SHC4: variants seen among roughly 807,000 people sequenced by gnomAD.
SHC4 encodes the protein SHC adaptor protein 4.
SHC4 carries 41 observed loss-of-function variants against 69.4 expected under a neutral mutation model. The ratio of observed to expected loss-of-function variants is 0.59; its 90% CI spans 0.46 to 0.77. The LOEUF is 0.77. SHC4 is among the 30% of genes least tolerant of loss of function. The probability of loss-of-function intolerance (pLI) is 0.00; values close to 1 mark genes in which losing one functional copy is unlikely to be tolerated. For missense variants in SHC4, 777 were observed against 783.8 expected (o/e 0.99, Z 0.10); for synonymous variants, 318 against 299.3 (o/e 1.06, Z -0.64).
chr15:48,882,715 T>C (rs1439242787), intron 4 of SHC4, among the ~76,000 whole-genome samples: 1 of 152,202 alleles, frequency 6.6e-6, no homozygotes, highest in Non-Finnish European at 1.5e-5. Flanking sequence ...CTTACAAAAC[T>C]CTGAGATAAC....
intron 11 of SHC4, among the ~76,000 whole-genome samples, chr15:48,829,895 G>A (rs978568427): frequency 1.3e-5 from 2 of 152,172 alleles, no homozygotes; most frequent in Non-Finnish European, 2.9e-5. Flanking sequence ...CTCCAGCCTG[G>A]GCAATAGAGC....
At chr15:48,826,823 CT>C (rs1244050543) in intron 11 of SHC4, among the ~76,000 whole-genome samples, 1 of 152,204 alleles carries the variant, frequency 6.6e-6, no homozygotes, top group African/African-American at 2.4e-5. Context: ...TACCTCCTAT[CT>C]CTCTTTGGAG....
At chr15:48,834,032 T>C (rs1014889960) in intron 11 of SHC4, among the ~76,000 whole-genome samples, 1 of 152,182 alleles carries the variant, frequency 6.6e-6, no homozygotes, top group Non-Finnish European at 1.5e-5. Flanking sequence ...ACCACTCACA[T>C]GGGCTTTGAT....
intron 2 of SHC4, among the ~76,000 whole-genome samples, chr15:48,891,993 A>C (rs903795825): frequency 3.9e-5 from 6 of 152,208 alleles, no homozygotes; most frequent in African/African-American, 1.4e-4. Flanking sequence ...TAGCTGGGAC[A>C]ACAGGCGCCC....
At chr15:48,831,813 C>A (rs1009469927) in intron 11 of SHC4, among the ~76,000 whole-genome samples, 1 of 152,152 alleles carries the variant, frequency 6.6e-6, no homozygotes, top group East Asian at 1.9e-4. Context: ...ATATATTTAC[C>A]TTTACCAGCA....
rs146484572 is a variant in SHC4 at position 48,882,038 on chromosome 15, G to A, written c.840+2210C>T. ...CCAAAGCATATCTTAGAAATTAAGTGGGGATGGGGAAGGCATTAGTATTTC... is the reference window on the plus strand; with the variant it reads ...CCAAAGCATATCTTAGAAATTAAGTAGGGATGGGGAAGGCATTAGTATTTC... On this transcript the variant is annotated intron_variant, in intron 4 of 11. Coordinates refer to ENST00000332408, the MANE Select transcript of SHC4 (RefSeq NM_203349.4). 7.0e-3 allele frequency among the ~76,000 whole-genome samples: 1,059 copies of A among 152,260 alleles called. 11 individuals are homozygous for A. The highest frequency in any genetic ancestry group is 0.012 in the Non-Finnish European group (798 of 68,004).
chr15:48,871,481 T>C (rs1210137506), intron 5 of SHC4, among the ~76,000 whole-genome samples: 4 of 152,162 alleles, frequency 2.6e-5, no homozygotes, highest in Middle Eastern at 3.2e-3. Context: ...AATGGTGCAG[T>C]AGGGAGTCAA....
chr15:48,887,293 G>A (rs1773474529), intron 3 of SHC4, among the ~76,000 whole-genome samples: 1 of 152,186 alleles, frequency 6.6e-6, no homozygotes, highest in Non-Finnish European at 1.5e-5. Flanking sequence ...ATAACATTGT[G>A]ATTAAGTGTG....
intron 9 of SHC4, among the ~76,000 whole-genome samples, chr15:48,847,033 T>C (rs1382038731): frequency 2.0e-5 from 3 of 150,728 alleles, no homozygotes; most frequent in Non-Finnish European, 4.4e-5. Context: ...TTTTTTTTTT[T>C]CATATGGGCC....
At chr15:48,895,869 G>A (rs1900212318) in intron 2 of SHC4, among the ~76,000 whole-genome samples, 1 of 152,146 alleles carries the variant, frequency 6.6e-6, no homozygotes, top group Non-Finnish European at 1.5e-5. Context: ...TATCCCTCAA[G>A]TCCAGGACTT....
chr15:48,916,853 A>G (rs1328436998), intron 2 of SHC4, among the ~76,000 whole-genome samples: 1 of 152,242 alleles, frequency 6.6e-6, no homozygotes, highest in East Asian at 1.9e-4. Context: ...ATTACTGAAT[A>G]CAAGTTACAT....
chr15:48,831,523 C>T (rs1310101388), intron 11 of SHC4, among the ~76,000 whole-genome samples: 1 of 152,146 alleles, frequency 6.6e-6, no homozygotes, highest in Non-Finnish European at 1.5e-5. Context: ...CTACAGTATT[C>T]AGTACACTAA....
At chr15:48,896,568 G>A (rs1157454760) in intron 2 of SHC4, among the ~76,000 whole-genome samples, 1 of 151,990 alleles carries the variant, frequency 6.6e-6, no homozygotes, top group Non-Finnish European at 1.5e-5. Flanking sequence ...TGATCTGCCC[G>A]CCTGGCCTTT....
intron 10 of SHC4, among the ~76,000 whole-genome samples, chr15:48,841,441 C>G (rs549042331): frequency 1.3e-5 from 2 of 152,328 alleles, no homozygotes; most frequent in East Asian, 3.9e-4. Flanking sequence ...GCCCAGATCT[C>G]CCTTCAAGGA....
chr15:48,898,128 T>A (rs1461132837), intron 2 of SHC4, among the ~76,000 whole-genome samples: 3 of 152,216 alleles, frequency 2.0e-5, no homozygotes, highest in African/African-American at 4.8e-5. Context: ...CATCTTTTTT[T>A]AAATCTTTGC....
At chr15:48,895,545 A>T (rs752231604) in intron 2 of SHC4, among the ~76,000 whole-genome samples, 4 of 152,084 alleles carry the variant, frequency 2.6e-5, no homozygotes, top group Non-Finnish European at 5.9e-5. Flanking sequence ...GCTTACTCGG[A>T]TGCCCCTGCC....
intron 1 of SHC4, among the ~76,000 whole-genome samples, chr15:48,937,115 C>T (rs533708691): frequency 6.4e-4 from 98 of 152,348 alleles, no homozygotes; most frequent in African/African-American, 2.2e-3. Context: ...TGTGATTCAT[C>T]ATGTGCCTTT....
At chr15:48,826,659 A>AATTATTGT (rs1898695537) in intron 11 of SHC4, among the ~76,000 whole-genome samples, 1 of 152,170 alleles carries the variant, frequency 6.6e-6, no homozygotes, top group South Asian at 2.1e-4. Flanking sequence ...TCTTTGCAGT[A>AATTATTGT]TTATTGTTTG....
At chr15:48,834,582 C>T (rs946393534) in intron 11 of SHC4, among the ~76,000 whole-genome samples, 187 bp downstream of exon 11, 4 of 152,054 alleles carry the variant, frequency 2.6e-5, no homozygotes, top group Non-Finnish European at 5.9e-5. Flanking sequence ...GCTTGATACT[C>T]CAGGGTGGCC....
Sources: gnomAD v4.1 joint callset for allele counts (sites outside exome capture counted in the v4.1 genomes callset) on GRCh38, gnomAD v4.1.1 for gene constraint, MANE v1.5 for transcripts, NCBI Gene and HGNC (gene_info 2026-07-23, HGNC 2026-07-21) for gene names.